Variants in ERFL observed in about 807,000 individuals in gnomAD.
ERFL encodes ETS repressor factor like, also known as ETS domain-containing transcription factor ERF-like.
A neutral mutation model predicts 27.9 loss-of-function variants in ERFL; 8 were observed. That is an observed-to-expected ratio of 0.29 (90% CI 0.17 to 0.52). The LOEUF (loss-of-function observed/expected upper bound fraction) is 0.52, where lower values mean the gene tolerates loss of function less well. ERFL is among the 20% of genes least tolerant of loss of function. The pLI is 0.97. For synonymous variants in ERFL, 174 were observed against 202.8 expected (o/e 0.86, Z 1.21); for missense variants, 294 against 444.4 (o/e 0.66, Z 3.04).
chr19:41,925,899 G>A (rs2074868225), intron 1 of ERFL, among the ~76,000 whole-genome samples: 1 of 152,074 alleles, frequency 6.6e-6, no homozygotes, highest in African/African-American at 2.4e-5. Context: ...GGAGGCTGGG[G>A]ACTGGTGGGG....
In ERFL at chr19:41,916,267, A is replaced by G. The variant is rs1188323628; in HGVS notation, c.-13-3335T>C. 7.4e-6 allele frequency among the ~76,000 whole-genome samples: 1 copy of G among 134,448 alleles called. No homozygotes were observed. Among genetic ancestry groups the G allele is most frequent in the Non-Finnish European group, 1.5e-5 (1 of 67,612 alleles). The allele number at this position is 134,448 out of a possible 152,430, so 88.2% of individuals were successfully genotyped here. On this transcript the variant is annotated intron_variant, in intron 1 of 5. Coordinates refer to ENST00000597630, the MANE Select transcript of ERFL (RefSeq NM_001365103.2). The surrounding 1 kb of genome is among the most constrained non-coding windows in gnomAD (Gnocchi z 5.4). ...ACCATCACATACCACACACTGCATG[A>G]GCCCACATGTCAACAAAGTCACACA...
rs2074844504 is a variant in ERFL, at chr19:41,921,912, C to T, written c.-14+6128G>A. On this transcript the variant is annotated intron_variant, in intron 1 of 5. Transcript: ENST00000597630. This position sits in a 1 kb window ranked among gnomAD's most constrained non-coding sequence, Gnocchi z 4.4. ...TCCTCATCTCCACCAGGCCCCACCC[C>T]ACCCAGACCCCAGCTCCATCCTCTA... 6.6e-6 allele frequency among the ~76,000 whole-genome samples: 1 copy of T among 151,628 alleles called. No homozygotes were observed. The highest frequency in any genetic ancestry group is 1.5e-5 in the Non-Finnish European group (1 of 67,870).
Position 41,909,957 on chromosome 19 carries a change from A to T in ERFL, c.208T>A (p.Phe70Ile). ...VIAWQGDYGE[F>I]VIKDPDEVAR... ...ACCTCATCGGGGTCTTTGATGACGA[A>T]TTCCCCGTAGTCCCCCTGCCAGGCT... Residue 70 changes from phenylalanine (F) to isoleucine (I), a missense_variant, in exon 3 of 6, where the codon TTC (phenylalanine) becomes ATC (isoleucine). Transcript: ENST00000597630. This position sits in a 1 kb window ranked among gnomAD's most constrained non-coding sequence, Gnocchi z 5.2. The T allele has an allele frequency of 6.2e-7, 1 of 1,613,878 alleles. No individual in the cohort carries two copies. Among genetic ancestry groups the T allele is most frequent in the Non-Finnish European group, 8.5e-7 (1 of 1,179,944 alleles).
chr19:41,919,575 G>A (rs2074825289), intron 1 of ERFL, among the ~76,000 whole-genome samples: 1 of 151,748 alleles, frequency 6.6e-6, no homozygotes, highest in Non-Finnish European at 1.5e-5. Flanking sequence ...AAGCCCACAA[G>A]CTCAGAGACA....
At chr19:41,926,750 T>C (rs781787041) in intron 1 of ERFL, among the ~76,000 whole-genome samples, 5 of 152,116 alleles carry the variant, frequency 3.3e-5, no homozygotes, top group African/African-American at 4.8e-5. Context: ...TTAGCCGTGA[T>C]AGATCCGCGC....
At chr19:41,925,001 CG>C in intron 1 of ERFL, among the ~76,000 whole-genome samples, 1 of 152,082 alleles carries the variant, frequency 6.6e-6, no homozygotes, top group African/African-American at 2.4e-5. Context: ...AAAGGGACTC[CG>C]GTCACATGGA....
chr19:41,917,843 C>T lies in ERFL; in HGVS notation c.-13-4911G>A, dbSNP rs2074811238. Among the ~76,000 whole-genome samples, 1 of 152,008 alleles carries T rather than the reference C, an allele frequency of 6.6e-6. No individual in the cohort carries two copies. The highest frequency in any genetic ancestry group is 1.5e-5 in the Non-Finnish European group (1 of 68,000). On this transcript the variant is annotated intron_variant, in intron 1 of 5. Transcript: ENST00000597630. The surrounding 1 kb of genome is among the most constrained non-coding windows in gnomAD (Gnocchi z 4.8). ...CCAGCCATGGGACGGCTGCCAGCCCCACCCATCTGTTGCCACACAAACGAG... is the reference window on the plus strand; with the variant it reads ...CCAGCCATGGGACGGCTGCCAGCCCTACCCATCTGTTGCCACACAAACGAG...
chr19:41,908,683 G>A lies in ERFL; in HGVS notation c.617-7C>T, dbSNP rs1047659240. On this transcript the variant is annotated splice_region_variant and splice_polypyrimidine_tract_variant and intron_variant, in intron 5 of 5. Transcript: ENST00000597630. This position sits in a 1 kb window ranked among gnomAD's most constrained non-coding sequence, Gnocchi z 6.7. Reference sequence around the variant, plus strand: ...TTGGAATAGCTGGTGGCACCTGGGGGGCACAGGGGTAGGTCAGGCTGGGGC... The same window carrying A: ...TTGGAATAGCTGGTGGCACCTGGGGAGCACAGGGGTAGGTCAGGCTGGGGC... The A allele has an allele frequency of 1.1e-4, 133 of 1,229,530 alleles. No individual in the cohort carries two copies. The highest frequency in any genetic ancestry group is 1.3e-4 in the Non-Finnish European group (124 of 986,182). 76.2% of individuals were successfully genotyped at this position (1,229,530 alleles called of 1,614,324 possible). A position where few individuals can be genotyped will look rare whatever the true frequency, so the allele number is the denominator to read the frequency against.
In ERFL at chr19:41,910,898, T is replaced by C. The variant is rs1020926429; in HGVS notation, c.68-801A>G. Among the ~76,000 whole-genome samples the C allele has an allele frequency of 4.6e-5, 7 of 152,012 alleles. No individual in the cohort carries two copies. The highest frequency in any genetic ancestry group is 1.0e-4 in the Non-Finnish European group (7 of 68,000). On this transcript the variant is annotated intron_variant, in intron 2 of 5. Transcript: ENST00000597630. The surrounding 1 kb of genome is among the most constrained non-coding windows in gnomAD (Gnocchi z 4.4). ...CTGCGCAAGACTCAAGGTCACGTCA[T>C]CTCAACAACCCCACAGTGCACACCC...
chr19:41,915,389 G>A (rs1314153573), intron 1 of ERFL, among the ~76,000 whole-genome samples: 12 of 150,894 alleles, frequency 8.0e-5, no homozygotes, highest in African/African-American at 1.5e-4. Flanking sequence ...CGCCTCTGCC[G>A]CCCTGTCCCC....
At chr19:41,926,772 C>A (rs2074873983) in intron 1 of ERFL, among the ~76,000 whole-genome samples, 2 of 152,200 alleles carry the variant, frequency 1.3e-5, no homozygotes. Context: ...CCGCTTGTCT[C>A]TTAATCTCCA....
Position 41,909,933 on chromosome 19 carries a change from C to T in ERFL, c.232G>A (p.Val78Met). 2 of 1,613,914 alleles carry T rather than the reference C, an allele frequency of 1.2e-6. No individual in the cohort carries two copies. Among genetic ancestry groups the T allele is most frequent in the Non-Finnish European group, 1.7e-6 (2 of 1,179,956 alleles). Residue 78 changes from valine (V) to methionine (M), a missense_variant, in exon 3 of 6, where the codon GTG becomes ATG. By Grantham distance (21) the Val-to-Met change is conservative. Coordinates refer to ENST00000597630, the MANE Select transcript of ERFL (RefSeq NM_001365103.2). This position sits in a 1 kb window ranked among gnomAD's most constrained non-coding sequence, Gnocchi z 5.2. ...TTGCGAATACCCCACAGCCGGGCCA[C>T]CTCATCGGGGTCTTTGATGACGAAT... The part of the protein sequence containing the change: ...GEFVIKDPDE[V>M]ARLWGIRKCK...
chr19:41,926,733 G>A (rs2074873480), intron 1 of ERFL, among the ~76,000 whole-genome samples: 1 of 152,190 alleles, frequency 6.6e-6, no homozygotes, highest in East Asian at 1.9e-4. Flanking sequence ...GCGGGCGGGG[G>A]GGCCGTTTAG....
At chr19:41,927,119 T>A (rs1555853334) in intron 1 of ERFL, among the ~76,000 whole-genome samples, 1 of 150,132 alleles carries the variant, frequency 6.7e-6, no homozygotes, top group African/African-American at 2.5e-5. Context: ...GAGAGACAGA[T>A]CCTGGGAGAG....
At chr19:41,914,353 C>T (rs1193250865) in intron 1 of ERFL, among the ~76,000 whole-genome samples, 1 of 151,260 alleles carries the variant, frequency 6.6e-6, no homozygotes, top group Non-Finnish European at 1.5e-5. Context: ...TTCTGTCTCT[C>T]TCCTCCACCA....
Position 41,909,932 on chromosome 19 carries a change from A to G in ERFL, c.233T>C (p.Val78Ala). 1 of 1,613,822 alleles carries G rather than the reference A, an allele frequency of 6.2e-7. No individual in the cohort carries two copies. Among genetic ancestry groups the G allele is most frequent in the African/African-American group, 1.3e-5 (1 of 75,002 alleles). The change falls in exon 3 of 6, where the codon GTG (valine) becomes GCG (alanine). Residue 78 changes from valine (V) to alanine (A), a missense_variant. By Grantham distance (64) the Val-to-Ala change is moderately conservative. Transcript: ENST00000597630. This position sits in a 1 kb window ranked among gnomAD's most constrained non-coding sequence, Gnocchi z 5.2. ...TTTGCGAATACCCCACAGCCGGGCC[A>G]CCTCATCGGGGTCTTTGATGACGAA... ...GEFVIKDPDE[V>A]ARLWGIRKCK...
Position 41,909,999 on chromosome 19 carries a change from C to A in ERFL, c.166G>T (p.Glu56Ter). The change falls in exon 3 of 6, where the codon GAG (glutamate) becomes TAG (stop). Residue 56 changes from glutamate to a stop codon, truncating the protein, a stop_gained. Transcript: ENST00000597630. LOFTEE classifies it high-confidence loss of function. The surrounding 1 kb of genome is among the most constrained non-coding windows in gnomAD (Gnocchi z 5.2). ...TGCCAGGCTATGACGCCCTGGTACT[C>A]CTCCTTCTGCAGCAGCTCCAGGATA... ...HFILELLQKE[E>*]YQGVIAWQGD... is the part of the protein sequence containing the mutation. 6.2e-7 allele frequency: 1 copy of A among 1,613,760 alleles called. No homozygotes were observed.
intron 2 of ERFL, among the ~76,000 whole-genome samples, chr19:41,911,382 A>G (rs2074750275): frequency 6.6e-6 from 1 of 152,236 alleles, no homozygotes; most frequent in African/African-American, 2.4e-5. Flanking sequence ...AGCTGGCAGC[A>G]GTGCAGGAGA....
Position 41,908,201 on chromosome 19 carries a change from C to G in ERFL, c.*27G>C, listed in dbSNP as rs999059889. The G allele has an allele frequency of 8.1e-7, 1 of 1,231,452 alleles. No homozygotes were observed. The highest frequency in any genetic ancestry group is 1.0e-6 in the Non-Finnish European group (1 of 987,746). The allele number at this position is 1,231,452 out of a possible 1,614,324, so 76.3% of individuals were successfully genotyped here. On this transcript the variant is annotated 3_prime_UTR_variant, in exon 6 of 6. Transcript: ENST00000597630. The surrounding 1 kb of genome is among the most constrained non-coding windows in gnomAD (Gnocchi z 6.7). ...CGGGCAGCCACCCTGGTCCCTGCCTCAGCAGAATCCATTGCCCCCTGCCGG... is the reference window on the plus strand; with the variant it reads ...CGGGCAGCCACCCTGGTCCCTGCCTGAGCAGAATCCATTGCCCCCTGCCGG...
Sources: allele counts gnomAD v4.1 joint callset (sites outside exome capture counted in the v4.1 genomes callset), GRCh38; gene constraint gnomAD v4.1.1; non-coding constraint Gnocchi (gnomAD v3.1); transcripts MANE v1.5; gene names NCBI Gene and HGNC (gene_info 2026-07-23, HGNC 2026-07-21).